The following SMYD3 variants were observed in gnomAD, a reference collection of about 807,000 sequenced individuals.
SMYD3 encodes SET and MYND domain containing 3, also known as histone-lysine N-methyltransferase SMYD3.
Under a neutral mutation model 57.7 loss-of-function variants are expected in SMYD3, and 36 were observed. The ratio of observed to expected loss-of-function variants is 0.62; its 90% CI spans 0.48 to 0.82. SMYD3 has a LOEUF of 0.82. SMYD3 is among the 40% of genes least tolerant of loss of function. The pLI, the probability that SMYD3 is intolerant of heterozygous loss-of-function variation, is 0.00. For synonymous variants in SMYD3, 211 were observed against 195.0 expected (o/e 1.08, Z -0.68); for missense variants, 515 against 538.8 (o/e 0.96, Z 0.44).
At chr1:246,298,951 TA>T (rs2064844203) in intron 5 of SMYD3, among the ~76,000 whole-genome samples, 1 of 152,000 alleles carries the variant, frequency 6.6e-6, no homozygotes, top group Non-Finnish European at 1.5e-5. Flanking sequence ...TGAAAAAGAG[TA>T]ACAGTATCCC....
intron 1 of SMYD3, among the ~76,000 whole-genome samples, chr1:246,453,181 G>A (rs533473186): frequency 5.3e-5 from 8 of 152,328 alleles, no homozygotes; most frequent in Admixed American, 3.3e-4. Flanking sequence ...TAAGTAGCTT[G>A]CGCAAAGTCA....
At chr1:246,391,416 GAA>G (rs1553341257) in intron 1 of SMYD3, among the ~76,000 whole-genome samples, 40 of 68,124 alleles carry the variant, frequency 5.9e-4, no homozygotes, top group Middle Eastern at 8.5e-3. Flanking sequence ...GAAAGAGAGA[GAA>G]AAAGAGAGAG....
intron 10 of SMYD3, among the ~76,000 whole-genome samples, chr1:245,802,745 AGT>A (rs1367599192): frequency 6.6e-6 from 1 of 152,212 alleles, no homozygotes; most frequent in East Asian, 1.9e-4. Flanking sequence ...CTATGAAGAG[AGT>A]GAGGAATGAA....
chr1:245,818,372 CCTAAAAG>C (rs2048971729), intron 10 of SMYD3, among the ~76,000 whole-genome samples: 1 of 152,010 alleles, frequency 6.6e-6, no homozygotes, highest in African/African-American at 2.4e-5. Context: ...CCAGGCCTGC[CCTAAAAG>C]AGCTCCTGAA....
chr1:246,372,199 T>C (rs1181122954), intron 1 of SMYD3, among the ~76,000 whole-genome samples: 2 of 152,216 alleles, frequency 1.3e-5, no homozygotes, highest in Admixed American at 6.5e-5. Context: ...CATCTGCTGA[T>C]AGCCATGGAA....
At chr1:246,362,513 C>T (rs1010822068) in intron 1 of SMYD3, among the ~76,000 whole-genome samples, 5 of 152,024 alleles carry the variant, frequency 3.3e-5, no homozygotes, top group African/African-American at 4.8e-5. Context: ...GATGCCGAGC[C>T]GAAGCTGGAC....
At chr1:246,248,636 C>CTTTTTTTTTTTTTTTT (rs1178698803) in intron 5 of SMYD3, among the ~76,000 whole-genome samples, 2 of 52,104 alleles carry the variant, frequency 3.8e-5, no homozygotes, top group Non-Finnish European at 6.4e-5. Context: ...TCTGACTTTC[C>CTTTTTTTTTTTTTTTT]TTTTTTTTTT....
chr1:246,188,841 G>A (rs2062688223), intron 5 of SMYD3, among the ~76,000 whole-genome samples: 1 of 151,744 alleles, frequency 6.6e-6, no homozygotes, highest in Non-Finnish European at 1.5e-5. Context: ...CACATTTGTG[G>A]TCCCAGCTAC....
At chr1:246,036,461 C>T (rs1213343890) in intron 5 of SMYD3, among the ~76,000 whole-genome samples, 1 of 151,148 alleles carries the variant, frequency 6.6e-6, no homozygotes, top group Non-Finnish European at 1.5e-5. Context: ...TGCTTTATAT[C>T]TTCCTTTTCT....
chr1:246,394,542 G>C (rs934232915), intron 1 of SMYD3, among the ~76,000 whole-genome samples: 2 of 152,250 alleles, frequency 1.3e-5, no homozygotes, highest in African/African-American at 2.4e-5. Context: ...GCTTTTGACA[G>C]AGAAATCAGA....
intron 5 of SMYD3, 100 bp downstream of exon 5, chr1:246,327,101 G>C: frequency 1.4e-6 from 2 of 1,454,958 alleles, no homozygotes; most frequent in Admixed American, 3.5e-5. Context: ...TAAGGGTCTT[G>C]AATTTCCTGT....
chr1:246,036,438 A>T (rs12090373), intron 5 of SMYD3, among the ~76,000 whole-genome samples: 4,408 of 152,218 alleles, frequency 0.029, 216 homozygotes, highest in African/African-American at 0.1. Flanking sequence ...TATTTTATAC[A>T]TACACAAGAA....
intron 5 of SMYD3, among the ~76,000 whole-genome samples, chr1:246,114,755 C>T (rs373948843): frequency 1.3e-5 from 2 of 152,132 alleles, no homozygotes; most frequent in African/African-American, 2.4e-5. Context: ...CTCCGTTTCC[C>T]GAGGAGCTTG....
intron 1 of SMYD3, among the ~76,000 whole-genome samples, chr1:246,438,341 T>C (rs1229625219): frequency 6.6e-6 from 1 of 152,164 alleles, no homozygotes; most frequent in African/African-American, 2.4e-5. Context: ...TATGATCAGA[T>C]TTCTAATATA....
chr1:245,871,839 A>G (rs1167153842), intron 8 of SMYD3, among the ~76,000 whole-genome samples: 1 of 152,134 alleles, frequency 6.6e-6, no homozygotes, highest in African/African-American at 2.4e-5. Flanking sequence ...CCCACCCTAC[A>G]GGGCGGGGAC....
chr1:246,378,680 T>C (rs1314708898), intron 1 of SMYD3, among the ~76,000 whole-genome samples: 5 of 129,572 alleles, frequency 3.9e-5, no homozygotes, highest in African/African-American at 5.9e-5. Flanking sequence ...TATATACACA[T>C]ATATATACTT....
chr1:246,009,215 C>T (rs1172336049), intron 5 of SMYD3, among the ~76,000 whole-genome samples: 1 of 152,168 alleles, frequency 6.6e-6, no homozygotes, highest in Non-Finnish European at 1.5e-5. Context: ...CACAATGCTG[C>T]AGACTGTAGG....
rs566279621 is a variant in SMYD3, at chr1:246,410,096, T to C, written c.165-55002A>G. 1.1e-4 allele frequency among the ~76,000 whole-genome samples: 17 copies of C among 152,320 alleles called. No individual in the cohort carries two copies. The South Asian group carries it at 2.9e-3, about 26-fold the overall frequency. ...CTGAGATGATCGGGTTTTCTAGATA[T>C]ACAATCATGTCATCTGCAAACAGGG... On this transcript the variant is annotated intron_variant, in intron 1 of 11. Transcript: ENST00000490107.
intron 10 of SMYD3, among the ~76,000 whole-genome samples, chr1:245,832,630 A>G (rs1437423247): frequency 1.3e-5 from 2 of 152,096 alleles, no homozygotes; most frequent in African/African-American, 4.8e-5. Context: ...GTTTGCATCT[A>G]ATCACTCTTT....
Sources: gnomAD v4.1 joint callset for allele counts (sites outside exome capture counted in the v4.1 genomes callset) on GRCh38, gnomAD v4.1.1 for gene constraint, MANE v1.5 for transcripts, NCBI Gene and HGNC (gene_info 2026-07-23, HGNC 2026-07-21) for gene names.